SIPA1L3: variants seen among roughly 807,000 people sequenced by gnomAD.
SIPA1L3 encodes signal-induced proliferation-associated 1-like protein 3.
Under a neutral mutation model 150.1 loss-of-function variants are expected in SIPA1L3, and 59 were observed. The observed-to-expected ratio is 0.39, with a 90% CI of 0.32 to 0.49. The LOEUF (loss-of-function observed/expected upper bound fraction) is 0.49, where lower values mean the gene tolerates loss of function less well. Ranked by LOEUF, SIPA1L3 falls within the 20% of genes least tolerant of loss-of-function variation. The pLI is 0.86. For missense variants in SIPA1L3, 2,211 were observed against 2,489.5 expected (o/e 0.89, Z 2.38); for synonymous variants, 1,070 against 1,077.6 (o/e 0.99, Z 0.14).
At chr19:38,158,807 T>A (rs1600149077) in intron 13 of SIPA1L3, among the ~76,000 whole-genome samples, 1 of 152,064 alleles carries the variant, frequency 6.6e-6, no homozygotes, top group Non-Finnish European at 1.5e-5. Context: ...GAGATGCAGG[T>A]TTGGGGGAAG....
chr19:37,908,970 G>A (rs990440117), intron 1 of SIPA1L3, among the ~76,000 whole-genome samples: 1 of 152,172 alleles, frequency 6.6e-6, no homozygotes, highest in African/African-American at 2.4e-5. Context: ...AGAAGTGGCT[G>A]TTTCTTGGGC....
At chr19:38,142,984 A>C (rs537235387) in intron 12 of SIPA1L3, among the ~76,000 whole-genome samples, 1 of 152,272 alleles carries the variant, frequency 6.6e-6, no homozygotes, top group East Asian at 1.9e-4. Flanking sequence ...TCCACTATCC[A>C]GCACGGCCAT....
intron 1 of SIPA1L3, among the ~76,000 whole-genome samples, chr19:37,929,770 C>T (rs999544420): frequency 6.6e-5 from 10 of 152,212 alleles, no homozygotes; most frequent in African/African-American, 2.4e-4. Flanking sequence ...CAGGGGCCAG[C>T]GCATGGTAAG....
intron 15 of SIPA1L3, among the ~76,000 whole-genome samples, chr19:38,166,078 G>A (rs1370820011): frequency 1.3e-5 from 2 of 152,088 alleles, no homozygotes; most frequent in Non-Finnish European, 2.9e-5. Context: ...TATGCATTAA[G>A]TTCTCAGTAA....
At chr19:37,959,786 A>G (rs1382324852) in intron 1 of SIPA1L3, among the ~76,000 whole-genome samples, 1 of 106,216 alleles carries the variant, frequency 9.4e-6, no homozygotes, top group South Asian at 3.1e-4. Flanking sequence ...CTAGTGTTTC[A>G]TTTTTATTTT....
chr19:38,108,846 G>A (rs947100360), intron 7 of SIPA1L3, among the ~76,000 whole-genome samples: 1 of 152,118 alleles, frequency 6.6e-6, no homozygotes, highest in Non-Finnish European at 1.5e-5. Context: ...AAAATTAACT[G>A]GGCGTGGTGG....
intron 8 of SIPA1L3, among the ~76,000 whole-genome samples, chr19:38,114,034 C>T (rs1165199429): frequency 6.6e-6 from 1 of 152,084 alleles, no homozygotes; most frequent in Non-Finnish European, 1.5e-5. Flanking sequence ...AACCTTCAGC[C>T]GTTTGCAATT....
intron 19 of SIPA1L3, 132 bp downstream of exon 19, chr19:38,198,664 G>T (rs1236887212): frequency 8.6e-6 from 8 of 926,000 alleles, no homozygotes; most frequent in African/African-American, 3.4e-5. Context: ...TTCAAGTCCT[G>T]CCCCGTCACT....
chr19:37,915,365 G>C (rs1304383124), intron 1 of SIPA1L3, among the ~76,000 whole-genome samples: 1 of 151,986 alleles, frequency 6.6e-6, no homozygotes, highest in African/African-American at 2.4e-5. Flanking sequence ...GCTGGAAAAG[G>C]TGTTTTTTTT....
chr19:37,922,426 C>T (rs1480099975), intron 1 of SIPA1L3, among the ~76,000 whole-genome samples: 1 of 151,354 alleles, frequency 6.6e-6, no homozygotes, highest in Non-Finnish European at 1.5e-5. Flanking sequence ...CAGAGTCTTG[C>T]TCTGTCGCCC....
intron 9 of SIPA1L3, among the ~76,000 whole-genome samples, chr19:38,120,656 A>G (rs1970994290): frequency 1.3e-5 from 2 of 152,244 alleles, no homozygotes; most frequent in Admixed American, 6.5e-5. Flanking sequence ...GTAAATGTGA[A>G]TGGTTTAACT....
chr19:37,990,004 C>T (rs1643458), intron 1 of SIPA1L3, among the ~76,000 whole-genome samples: 51,000 of 151,812 alleles, frequency 0.34, 8,731 homozygotes, highest in South Asian at 0.37. Flanking sequence ...CGTAGACCCC[C>T]CCACCTGACC....
chr19:37,938,609 CT>C (rs1179534640), intron 1 of SIPA1L3, among the ~76,000 whole-genome samples: 1 of 146,770 alleles, frequency 6.8e-6, no homozygotes, highest in African/African-American at 2.5e-5. Flanking sequence ...GCTTCTTTTT[CT>C]TTTTTTCTTT....
intron 2 of SIPA1L3, among the ~76,000 whole-genome samples, chr19:38,039,386 C>T (rs1487420553): frequency 1.2e-3 from 19 of 16,392 alleles, no homozygotes; most frequent in African/African-American, 1.8e-3. Flanking sequence ...AGTTTGCCAG[C>T]GGGGGGTGGG....
At position 38,082,416 on chromosome 19, in the gene SIPA1L3, G is replaced by A. The variant is rs369552502; in HGVS notation, c.851G>A (p.Arg284Gln). Residue 284 changes from arginine to glutamine, a missense_variant, in exon 3 of 22, where the codon CGG (arginine) becomes CAG (glutamine). Around this residue, in one of 5 missense-constraint regions of SIPA1L3, gnomAD observed 587 missense variants for 534.5 expected, o/e 1.10. Coordinates refer to ENST00000222345, the MANE Select transcript of SIPA1L3 (RefSeq NM_015073.3). ...CCCACGAAGGAGAAGGAGAAGGCCC[G>A]GAAGAAACCTGCGCGGGGCCTCGGC... ...LQPTKEKEKA[R>Q]KKPARGLGGG... 7.8e-5 allele frequency: 124 copies of A among 1,596,662 alleles called. No homozygotes were observed. In the African/African-American group the frequency reaches 1.3e-3, roughly 17 times the overall value.
intron 1 of SIPA1L3, among the ~76,000 whole-genome samples, chr19:37,996,943 C>T (rs977763083): frequency 5.3e-5 from 8 of 151,866 alleles, no homozygotes; most frequent in Non-Finnish European, 7.4e-5. Context: ...GTGATCCACC[C>T]GTCTCAGCCT....
chr19:37,974,595 G>T (rs1423704522), intron 1 of SIPA1L3, among the ~76,000 whole-genome samples: 1 of 152,176 alleles, frequency 6.6e-6, no homozygotes, highest in Admixed American at 6.5e-5. Flanking sequence ...CTGTCATGAG[G>T]GCAGAGGGTG....
intron 1 of SIPA1L3, among the ~76,000 whole-genome samples, chr19:37,943,862 C>T (rs1049399344): frequency 6.6e-6 from 1 of 152,072 alleles, no homozygotes; most frequent in Non-Finnish European, 1.5e-5. Context: ...CCTCTGCTTG[C>T]GTTTAGGCCT....
In SIPA1L3 at chr19:38,152,667, A is replaced by G. The variant is rs867410736; in HGVS notation, c.3534-173A>G. Among the ~76,000 whole-genome samples, 11 of 152,270 alleles carry G rather than the reference A, an allele frequency of 7.2e-5. No individual in the cohort carries two copies. The Middle Eastern group carries it at 0.014, about 188-fold the overall frequency. Reference sequence around the variant, plus strand: ...GACTCTCATCCCGGACCCGCAGCTAATAGCACGTTTCCAGGCTTACTCATC... The same window carrying G: ...GACTCTCATCCCGGACCCGCAGCTAGTAGCACGTTTCCAGGCTTACTCATC... On this transcript the variant is annotated intron_variant, in intron 12 of 21. Transcript: ENST00000222345.
Sources: gnomAD v4.1 joint callset for allele counts (sites outside exome capture counted in the v4.1 genomes callset) on GRCh38, gnomAD v4.1.1 for gene constraint, gnomAD v4.1.1 regional missense constraint, MANE v1.5 for transcripts, NCBI Gene and HGNC (gene_info 2026-07-23, HGNC 2026-07-21) for gene names.